Variants in ZNF223 observed in about 807,000 individuals in gnomAD.
The protein encoded by ZNF223 is zinc finger protein 223, also known as Homo sapiens zinc finger protein 223.
ZNF223 carries 9 observed loss-of-function variants against 12.3 expected under a neutral mutation model. That is an observed-to-expected ratio of 0.73 (90% confidence interval 0.44 to 1.28). The LOEUF (loss-of-function observed/expected upper bound fraction) is 1.28, where lower values mean the gene tolerates loss of function less well. Among genes scored for constraint, ZNF223 ranks in the 50% most tolerant of loss-of-function variants. The probability of loss-of-function intolerance (pLI) is 0.00; values close to 1 mark genes in which losing one functional copy is unlikely to be tolerated. For missense variants in ZNF223, 506 were observed against 579.0 expected, an observed-to-expected ratio of 0.87 and a Z score of 1.29; for synonymous variants, 171 against 195.2, an observed-to-expected ratio of 0.88 and a Z score of 1.03.
In ZNF223 at chr19:44,066,278, T is replaced by C. The variant is rs937939408; in HGVS notation, c.450T>C (p.Cys150=). ...IMHTGQKPSN[C]GKCKQSFSDM... Reference sequence around the variant, plus strand: ...ACACAGGACAGAAACCTTCCAATTGTGGGAAGTGTAAACAATCCTTCAGTG... The same window carrying C: ...ACACAGGACAGAAACCTTCCAATTGCGGGAAGTGTAAACAATCCTTCAGTG... The change falls in exon 5 of 5, where the codon TGT becomes TGC. Residue 150 remains cysteine, a synonymous_variant. Coordinates refer to ENST00000434772, the MANE Select transcript of ZNF223 (RefSeq NM_013361.6). 1.9e-6 allele frequency: 3 copies of C among 1,614,226 alleles called. No homozygotes were observed. The highest frequency in any genetic ancestry group is 1.6e-4 in the Middle Eastern group (1 of 6,062).
chr19:44,053,180 A>G (rs1458564341), intron 1 of ZNF223, among the ~76,000 whole-genome samples: 2 of 152,186 alleles, frequency 1.3e-5, no homozygotes, highest in East Asian at 3.8e-4. Context: ...GAGAAAAGAA[A>G]TAAGACACAG....
Position 44,067,334 on chromosome 19 carries a change from TA to T in ZNF223, c.*59del. 6.7e-7 allele frequency: 1 copy of T among 1,484,472 alleles called. No individual in the cohort carries two copies. The highest frequency in any genetic ancestry group is 1.2e-5 in the South Asian group (1 of 84,112). The allele number at this position is 1,484,472 out of a possible 1,614,324, so 92.0% of individuals were successfully genotyped here. A position where few individuals can be genotyped will look rare whatever the true frequency, so the allele number is the denominator to read the frequency against. Reference sequence around the variant, plus strand: ...TATTTAAATATATGTATATGATGTATAATGATCAAATCAGTGTAATTAGCAC... The same window carrying T: ...TATTTAAATATATGTATATGATGTATATGATCAAATCAGTGTAATTAGCAC... On this transcript the variant is annotated 3_prime_UTR_variant, in exon 5 of 5. Transcript: ENST00000434772.
At chr19:44,062,659 CA>C (rs1453163774) in intron 4 of ZNF223, among the ~76,000 whole-genome samples, 1 of 150,008 alleles carries the variant, frequency 6.7e-6, no homozygotes, top group Non-Finnish European at 1.5e-5. Flanking sequence ...TTTTTTTTTT[CA>C]TGACCACACT....
intron 2 of ZNF223, among the ~76,000 whole-genome samples, chr19:44,056,439 G>A (rs1294788130): frequency 6.9e-6 from 1 of 145,382 alleles, no homozygotes; most frequent in African/African-American, 2.5e-5. Context: ...GGCTGAGGCA[G>A]GAGAATGGCG....
Position 44,066,807 on chromosome 19 carries a change from C to G in ZNF223, c.979C>G (p.Arg327Gly), listed in dbSNP as rs372583503. The change falls in exon 5 of 5, where the codon CGT becomes GGT. Residue 327 changes from arginine (R) to glycine (G), a missense_variant. By Grantham distance (125) the Arg-to-Gly change is moderately radical. Coordinates refer to ENST00000434772, the MANE Select transcript of ZNF223 (RefSeq NM_013361.6). Reference sequence around the variant, plus strand: ...TGGGGAATATGGAAAAGGCTTCATTCGTAGGCTGGATTTGTGTAAGCATCA... The same window carrying G: ...TGGGGAATATGGAAAAGGCTTCATTGGTAGGCTGGATTTGTGTAAGCATCA... Reference protein sequence around the residue: ...STGEYGKGFIRRLDLCKHQTI... With the variant: ...STGEYGKGFIGRLDLCKHQTI... 3.1e-4 allele frequency: 499 copies of G among 1,613,992 alleles called. No homozygotes were observed. Among genetic ancestry groups the G allele is most frequent in the Non-Finnish European group, 3.9e-4 (461 of 1,180,040 alleles).
At chr19:44,056,192 A>G (rs919510598) in intron 2 of ZNF223, among the ~76,000 whole-genome samples, 9 of 151,630 alleles carry the variant, frequency 5.9e-5, no homozygotes, top group Admixed American at 2.0e-4. Flanking sequence ...TTATCTCCAA[A>G]TTCCTCCTTA....
intron 2 of ZNF223, 47 bp downstream of exon 2, chr19:44,055,238 T>C: frequency 6.2e-7 from 1 of 1,605,096 alleles, no homozygotes; most frequent in Middle Eastern, 1.7e-4. Flanking sequence ...ATCTCACTAC[T>C]CAGATTGTTG....
chr19:44,062,075 G>A (rs117977975), intron 4 of ZNF223, among the ~76,000 whole-genome samples: 331 of 152,300 alleles, frequency 2.2e-3, no homozygotes, highest in Non-Finnish European at 3.4e-3. Flanking sequence ...GGAGGGATCT[G>A]TAAATATTTG....
At chr19:44,065,348 A>G (rs1180351422) in intron 4 of ZNF223, among the ~76,000 whole-genome samples, 4 of 152,184 alleles carry the variant, frequency 2.6e-5, no homozygotes, top group African/African-American at 9.7e-5. Flanking sequence ...ATACAGGCAA[A>G]TATACGAAGT....
At chr19:44,060,872 T>G in intron 4 of ZNF223, 31 bp downstream of exon 4, 1 of 1,586,368 alleles carries the variant, frequency 6.3e-7, no homozygotes, top group Non-Finnish European at 8.6e-7. Context: ...TGTCCTTGTT[T>G]GTGACTTCCA....
At chr19:44,053,710 C>T (rs545591706) in intron 1 of ZNF223, among the ~76,000 whole-genome samples, 45 of 152,322 alleles carry the variant, frequency 3.0e-4, no homozygotes, top group Non-Finnish European at 5.7e-4. Flanking sequence ...TCAGGTCTTT[C>T]CCTTCCCACG....
At chr19:44,065,552 TGTG>T (rs567768513) in intron 4 of ZNF223, among the ~76,000 whole-genome samples, 90 of 151,170 alleles carry the variant, frequency 6.0e-4, no homozygotes, top group South Asian at 3.1e-3. Flanking sequence ...TTATTTGAAA[TGTG>T]GTATGTTTTT....
rs749734271 is a variant in ZNF223 at position 44,066,146 on chromosome 19, A to C, written c.318A>C (p.Glu106Asp). 6.2e-7 allele frequency: 1 copy of C among 1,614,134 alleles called. No homozygotes were observed. Among genetic ancestry groups the C allele is most frequent in the South Asian group, 1.1e-5 (1 of 91,086 alleles). ...GGTCCTGCCAGCAGATCTGGGAAGA[A>C]ATTGCAAGTGATTTAACCAGGCCTC... ...EGWSCQQIWEEIASDLTRPQD... is the reference protein window; with the variant it reads ...EGWSCQQIWEDIASDLTRPQD... Residue 106 changes from glutamate to aspartate, a missense_variant, in exon 5 of 5, where the codon GAA becomes GAC. Transcript: ENST00000434772.
chr19:44,066,556 G>A lies in ZNF223; in HGVS notation c.728G>A (p.Cys243Tyr). ...KCEQCGRGFR[C>Y]RSALTVHCKL... ...GAACAATGTGGGAGAGGCTTCAGAT[G>A]TAGATCAGCACTTACAGTTCATTGC... Residue 243 changes from cysteine (C) to tyrosine (Y), a missense_variant, in exon 5 of 5, where the codon TGT becomes TAT. Coordinates refer to ENST00000434772, the MANE Select transcript of ZNF223 (RefSeq NM_013361.6). 1 of 1,614,170 alleles carries A rather than the reference G, an allele frequency of 6.2e-7. No individual in the cohort carries two copies.
At position 44,057,275 on chromosome 19, in the gene ZNF223, AATG is replaced by A. The variant is rs1283248803; in HGVS notation, c.15+2087_15+2089del. 6.6e-4 allele frequency among the ~76,000 whole-genome samples: 101 copies of A among 152,304 alleles called. 1 individual carries two copies. Among genetic ancestry groups the A allele is most frequent in the Non-Finnish European group, 1.5e-4 (10 of 68,024 alleles). On this transcript the variant is annotated intron_variant, in intron 2 of 4. Coordinates refer to ENST00000434772, the MANE Select transcript of ZNF223 (RefSeq NM_013361.6). ...GTGAGAAGAAAGTATGCAATTATAT[AATG>A]ATAATATTAAATGTGCTTATTTTTC...
At chr19:44,058,705 G>A (rs995603827) in intron 2 of ZNF223, among the ~76,000 whole-genome samples, 1 of 152,248 alleles carries the variant, frequency 6.6e-6, no homozygotes, top group African/African-American at 2.4e-5. Flanking sequence ...CTTCCTGAGG[G>A]AGTGAAGGGA....
In ZNF223 at chr19:44,066,481, A is replaced by G. The variant is rs759533644; in HGVS notation, c.653A>G (p.His218Arg). The change falls in exon 5 of 5, where the codon CAT (histidine) becomes CGT (arginine). Residue 218 changes from histidine (H) to arginine (R), a missense_variant. Coordinates refer to ENST00000434772, the MANE Select transcript of ZNF223 (RefSeq NM_013361.6). ...GGTAAGGAATTCAGTCAGAGTTTAC[A>G]TCTGCAAACTCATCAGAGAGTCCAT... ...VCGKEFSQSL[H>R]LQTHQRVHTG... The G allele has an allele frequency of 1.9e-6, 3 of 1,614,098 alleles. No individual in the cohort carries two copies. The highest frequency in any genetic ancestry group is 1.3e-5 in the African/African-American group (1 of 74,942).
chr19:44,067,496 C>T lies in ZNF223; in HGVS notation c.*219C>T, dbSNP rs1238082585. The stretch of plus-strand genomic sequence containing the variant: ...CAGCAGAACTTCTTCCTCTTATCTA[C>T]CTGTACTTTTGCATCCATTAGCCAA... On this transcript the variant is annotated 3_prime_UTR_variant, in exon 5 of 5. Coordinates refer to ENST00000434772, the MANE Select transcript of ZNF223 (RefSeq NM_013361.6). 7 of 642,940 alleles carry T rather than the reference C, an allele frequency of 1.1e-5. 1 individual carries two copies. Among genetic ancestry groups the T allele is most frequent in the Admixed American group, 8.6e-5 (4 of 46,504 alleles). The allele number at this position is 642,940 out of a possible 1,614,324, so 39.8% of individuals were successfully genotyped here. A position where few individuals can be genotyped will look rare whatever the true frequency, so the allele number is the denominator to read the frequency against.
chr19:44,054,172 CTT>C (rs57806070), intron 1 of ZNF223, among the ~76,000 whole-genome samples: 31 of 137,598 alleles, frequency 2.3e-4, no homozygotes, highest in Admixed American at 2.2e-4. Context: ...ATGCCCTTTT[CTT>C]TTTTTTTTTT....
Sources: gnomAD v4.1 joint callset for allele counts (sites outside exome capture counted in the v4.1 genomes callset) on GRCh38, gnomAD v4.1.1 for gene constraint, MANE v1.5 for transcripts, NCBI Gene and HGNC (gene_info 2026-07-23, HGNC 2026-07-21) for gene names.